AGTPBP1: variants seen among roughly 807,000 people sequenced by gnomAD.
AGTPBP1 encodes the protein ATP/GTP binding carboxypeptidase 1, also known as cytosolic carboxypeptidase 1.
In AGTPBP1, 70 loss-of-function variants were observed where a neutral mutation model predicts 143.9. The observed-to-expected ratio is 0.49, with a 90% confidence interval of 0.40 to 0.59. AGTPBP1 has a LOEUF of 0.59. AGTPBP1 is among the 20% of genes least tolerant of loss of function. The pLI is 0.00. For synonymous variants in AGTPBP1, 463 were observed against 500.2 expected (o/e 0.93, Z 0.99); for missense variants, 1,229 against 1,464.5 (o/e 0.84, Z 2.62).
intron 11 of AGTPBP1, among the ~76,000 whole-genome samples, chr9:85,649,651 A>T (rs182666140): frequency 1.5e-4 from 23 of 152,294 alleles, no homozygotes; most frequent in Admixed American, 1.4e-3. Context: ...ACATTTCATT[A>T]CTATTTATGA....
At chr9:85,576,206 CTTT>C (rs1426562696) in intron 24 of AGTPBP1, among the ~76,000 whole-genome samples, 2 of 152,130 alleles carry the variant, frequency 1.3e-5, no homozygotes, top group African/African-American at 2.4e-5. Context: ...TATACTCCTT[CTTT>C]ATCATTTATT....
At chr9:85,689,925 A>AAAAAATATATAT (rs58719163) in intron 3 of AGTPBP1, among the ~76,000 whole-genome samples, 4 of 72,516 alleles carry the variant, frequency 5.5e-5, no homozygotes, top group Non-Finnish European at 7.2e-5. Context: ...AAAAAAAAAA[A>AAAAAATATATAT]ATATATATAT....
At chr9:85,591,229 C>T (rs1290014046) in intron 19 of AGTPBP1, among the ~76,000 whole-genome samples, 3 of 149,104 alleles carry the variant, frequency 2.0e-5, no homozygotes, top group Non-Finnish European at 3.0e-5. Context: ...GGGTGAATCA[C>T]GGTAAGAATT....
chr9:85,643,182 T>A (rs1037094925), intron 12 of AGTPBP1, among the ~76,000 whole-genome samples: 7 of 152,156 alleles, frequency 4.6e-5, no homozygotes, highest in Non-Finnish European at 8.8e-5. Context: ...TAACAGAGTA[T>A]TCTGGCTACT....
At chr9:85,651,074 G>A (rs1833135802) in intron 11 of AGTPBP1, among the ~76,000 whole-genome samples, 1 of 152,176 alleles carries the variant, frequency 6.6e-6, no homozygotes, top group Non-Finnish European at 1.5e-5. Flanking sequence ...CAATCTGGGA[G>A]TCTCTTTCCT....
At chr9:85,796,382 A>C in the AGTPBP1 span, among the ~76,000 whole-genome samples, 1,004 of 152,336 alleles carry the variant, frequency 6.6e-3, 16 homozygotes, top group African/African-American at 0.023. Context: ...TTCATTAAAC[A>C]GATGCTTTTA....
intron 2 of AGTPBP1, among the ~76,000 whole-genome samples, chr9:85,708,725 G>A (rs761069552): frequency 1.3e-4 from 20 of 151,952 alleles, no homozygotes; most frequent in African/African-American, 4.4e-4. Context: ...TAGTAGAGAC[G>A]GGGTTTCACC....
intron 20 of AGTPBP1, 23 bp downstream of exon 20, chr9:85,589,505 G>A (rs764959965): frequency 1.3e-6 from 2 of 1,589,372 alleles, no homozygotes; most frequent in East Asian, 2.2e-5. Context: ...GACTGCTATT[G>A]TGAGTTGGGA....
intron 1 of AGTPBP1, among the ~76,000 whole-genome samples, chr9:85,717,507 A>G (rs1283460229): frequency 1.3e-5 from 2 of 152,154 alleles, no homozygotes; most frequent in Non-Finnish European, 2.9e-5. Context: ...GTCTCAAAAA[A>G]TAAATAAAAT....
At chr9:85,568,991 T>C (rs1036486042) in intron 25 of AGTPBP1, among the ~76,000 whole-genome samples, 1 of 151,990 alleles carries the variant, frequency 6.6e-6, no homozygotes, top group African/African-American at 2.4e-5. Flanking sequence ...GTTGTCAACA[T>C]ACAGATAGAA....
chr9:85,735,216 C>A (rs1057308401), intron 1 of AGTPBP1, among the ~76,000 whole-genome samples: 2 of 152,128 alleles, frequency 1.3e-5, no homozygotes, highest in Admixed American at 1.3e-4. Context: ...AGTCCTGACA[C>A]ACGGTACAAC....
At chr9:85,774,933 C>T in the AGTPBP1 span, among the ~76,000 whole-genome samples, 16 of 152,060 alleles carry the variant, frequency 1.1e-4, no homozygotes, top group African/African-American at 1.9e-4. Context: ...AGTTTGGTTC[C>T]GAAACTGATA....
chr9:85,776,504 A>G, the AGTPBP1 span, among the ~76,000 whole-genome samples: 1 of 152,272 alleles, frequency 6.6e-6, no homozygotes, highest in African/African-American at 2.4e-5. Flanking sequence ...GTAGTTTCCA[A>G]TTGACCTTAA....
At chr9:85,625,753 C>T (rs1341585859) in intron 14 of AGTPBP1, among the ~76,000 whole-genome samples, 1 of 151,712 alleles carries the variant, frequency 6.6e-6, no homozygotes, top group South Asian at 2.1e-4. Flanking sequence ...GAAGTGGTGG[C>T]ACGTGCCTGT....
At chr9:85,637,551 A>T (rs1285741702) in intron 13 of AGTPBP1, among the ~76,000 whole-genome samples, 1 of 152,160 alleles carries the variant, frequency 6.6e-6, no homozygotes, top group Non-Finnish European at 1.5e-5. Flanking sequence ...CAAAAGCCTG[A>T]CCCTAAAAAG....
At chr9:85,764,650 A>G in the AGTPBP1 span, 1 of 641,210 alleles carries the variant, frequency 1.6e-6, no homozygotes, top group South Asian at 2.0e-5. Flanking sequence ...CCTAATTTTT[A>G]TGCAGTCTAG....
intron 1 of AGTPBP1, among the ~76,000 whole-genome samples, chr9:85,728,002 A>G (rs1371114699): frequency 6.6e-6 from 1 of 150,856 alleles, no homozygotes; most frequent in African/African-American, 2.4e-5. Context: ...TACTCAAGCA[A>G]GACCGTGTCT....
At position 85,661,662 on chromosome 9, in the gene AGTPBP1, C is replaced by T. The variant is rs142454751; in HGVS notation, c.663-689G>A. The stretch of plus-strand genomic sequence containing the variant: ...GTATTTGAACGTAAATACTCAGTCA[C>T]ACATAGTGAAATCAACTGCCGTTAA... On this transcript the variant is annotated intron_variant, in intron 8 of 25. Coordinates refer to ENST00000357081, the MANE Select transcript of AGTPBP1 (RefSeq NM_001330701.2). Among the ~76,000 whole-genome samples, 567 of 152,208 alleles carry T rather than the reference C, an allele frequency of 3.7e-3. 1 individual carries two copies. The highest frequency in any genetic ancestry group is 0.01 in the Middle Eastern group (3 of 294).
At chr9:85,600,881 C>A (rs1829623080) in intron 17 of AGTPBP1, among the ~76,000 whole-genome samples, 1 of 152,050 alleles carries the variant, frequency 6.6e-6, no homozygotes, top group South Asian at 2.1e-4. Context: ...GCCACTGAAA[C>A]CTAAGCAACA....
Sources: allele counts gnomAD v4.1 joint callset (sites outside exome capture counted in the v4.1 genomes callset), GRCh38; gene constraint gnomAD v4.1.1; transcripts MANE v1.5; gene names NCBI Gene and HGNC (gene_info 2026-07-23, HGNC 2026-07-21).